BBOF1: variants seen among roughly 807,000 people sequenced by gnomAD.
BBOF1 encodes basal body-orientation factor 1.
A neutral mutation model predicts 68.0 loss-of-function variants in BBOF1; 62 were observed. The observed-to-expected ratio is 0.91, with a 90% confidence interval of 0.74 to 1.13. The LOEUF is 1.13. BBOF1 is among the 50% of genes most tolerant of loss of function. The pLI is 0.00. For missense variants in BBOF1, 534 were observed against 600.1 expected (o/e 0.89, Z 1.15); for synonymous variants, 208 against 198.8 (o/e 1.05, Z -0.39).
chr14:74,027,845 G>A (rs1037221521), intron 2 of BBOF1, among the ~76,000 whole-genome samples: 2 of 152,108 alleles, frequency 1.3e-5, no homozygotes, highest in Non-Finnish European at 2.9e-5. Context: ...CCAAGAAACT[G>A]TTCCAGATTA....
intron 9 of BBOF1, chr14:74,072,241 C>T (rs1382290653): frequency 6.2e-7 from 1 of 1,614,248 alleles, no homozygotes; most frequent in South Asian, 1.1e-5. Flanking sequence ...CGGAGCAAGA[C>T]CTGCTGGCGG....
chr14:74,037,857 A>G (rs1194994001), intron 4 of BBOF1, among the ~76,000 whole-genome samples: 1 of 151,704 alleles, frequency 6.6e-6, no homozygotes, highest in Admixed American at 6.6e-5. Context: ...CGGGAGGCTG[A>G]GGCAGGAGAA....
At chr14:74,023,169 G>A (rs756913678) in intron 2 of BBOF1, 25 bp downstream of exon 2, 1 of 1,407,444 alleles carries the variant, frequency 7.1e-7, no homozygotes, top group South Asian at 1.3e-5. Context: ...AGCCTCCTTG[G>A]CCTCATTAAC....
chr14:74,082,043 C>T (rs1034014027), intron 12 of BBOF1, among the ~76,000 whole-genome samples: 13 of 152,004 alleles, frequency 8.6e-5, no homozygotes, highest in African/African-American at 3.1e-4. Context: ...CCTGTCTCTA[C>T]AAAAAATACA....
intron 9 of BBOF1, among the ~76,000 whole-genome samples, chr14:74,077,297 G>A (rs1290886437): frequency 6.6e-6 from 1 of 152,120 alleles, no homozygotes; most frequent in Non-Finnish European, 1.5e-5. Context: ...TCCTCTGAAA[G>A]CAGCCAATAC....
At chr14:74,034,462 C>T (rs1207771934) in intron 4 of BBOF1, among the ~76,000 whole-genome samples, 1 of 152,216 alleles carries the variant, frequency 6.6e-6, no homozygotes, top group East Asian at 1.9e-4. Flanking sequence ...AAACAAACTA[C>T]AAGTTCTTAG....
At chr14:74,021,257 T>C (rs2059290308) in intron 1 of BBOF1, among the ~76,000 whole-genome samples, 1 of 152,100 alleles carries the variant, frequency 6.6e-6, no homozygotes, top group Non-Finnish European at 1.5e-5. Flanking sequence ...TCCTTTTTCC[T>C]CTCCACCTCT....
chr14:74,028,220 T>A (rs545173955), intron 2 of BBOF1, among the ~76,000 whole-genome samples: 4 of 151,672 alleles, frequency 2.6e-5, no homozygotes, highest in African/African-American at 2.4e-5. Context: ...ATACAAAAAA[T>A]TAGCCAAGTG....
At chr14:74,070,934 C>A, downstream of BBOF1, 1 of 479,348 alleles carries the variant, frequency 2.1e-6, no homozygotes, top group Non-Finnish European at 3.8e-6. Flanking sequence ...AAAAAAGTTT[C>A]TTTTTAATCT....
intron 5 of BBOF1, 93 bp from the exon 6 acceptor site, chr14:74,045,967 T>G (rs893255915): frequency 2.8e-5 from 32 of 1,162,638 alleles, no homozygotes; most frequent in Middle Eastern, 4.7e-4. Flanking sequence ...GGGACAGGAG[T>G]TTTTTATTTG....
intron 2 of BBOF1, among the ~76,000 whole-genome samples, chr14:74,028,948 CCACACACA>C (rs530371320): frequency 1.3e-5 from 2 of 148,356 alleles, no homozygotes; most frequent in African/African-American, 5.0e-5. Context: ...TTATTTTTAA[CCACACACA>C]CACACACACA....
At chr14:74,062,640 T>C (rs1014767390) in intron 11 of BBOF1, among the ~76,000 whole-genome samples, 1 of 152,036 alleles carries the variant, frequency 6.6e-6, no homozygotes, top group African/African-American at 2.4e-5. Flanking sequence ...GTGACTAATA[T>C]ACAAACTATA....
intron 3 of BBOF1, 81 bp from the exon 4 acceptor site, chr14:74,033,947 G>A: frequency 1.0e-6 from 1 of 999,476 alleles, no homozygotes; most frequent in Non-Finnish European, 1.4e-6. Context: ...ATATGCAAAT[G>A]GCGTAAGGCT....
At chr14:74,068,816 CAT>C, downstream of BBOF1, 4 of 1,609,358 alleles carry the variant, frequency 2.5e-6, no homozygotes, top group Non-Finnish European at 3.4e-6. Context: ...AGGTAATTTT[CAT>C]ATATAGAACA....
intron 5 of BBOF1, among the ~76,000 whole-genome samples, chr14:74,045,403 G>A (rs1418267902): frequency 1.3e-5 from 2 of 152,040 alleles, no homozygotes; most frequent in Admixed American, 6.6e-5. Context: ...TCTGCCTCCC[G>A]GGTTCAAGTG....
chr14:74,036,683 CAAAAA>C (rs35152747), intron 4 of BBOF1, among the ~76,000 whole-genome samples: 2 of 108,458 alleles, frequency 1.8e-5, no homozygotes, highest in Admixed American at 2.1e-4. Context: ...GACTCTGTCT[CAAAAA>C]AAAAAAAAAA....
chr14:74,040,665 A>T lies in BBOF1; in HGVS notation c.576+20A>T. On this transcript the variant is annotated intron_variant, in intron 5 of 11. Coordinates refer to ENST00000394009, the MANE Select transcript of BBOF1 (RefSeq NM_025057.3). Reference sequence around the variant, plus strand: ...GAAAAGGTACAGATTATTAGGGTTAATTTAAAATGTTTTGTTTACTAGAAC... The same window carrying T: ...GAAAAGGTACAGATTATTAGGGTTATTTTAAAATGTTTTGTTTACTAGAAC... 6.9e-7 allele frequency: 1 copy of T among 1,444,606 alleles called. No homozygotes were observed. Among genetic ancestry groups the T allele is most frequent in the East Asian group, 2.3e-5 (1 of 42,554 alleles). 89.5% of individuals were successfully genotyped at this position (1,444,606 alleles called of 1,614,324 possible).
intron 5 of BBOF1, among the ~76,000 whole-genome samples, chr14:74,041,944 G>A (rs1356278600): frequency 1.3e-5 from 2 of 152,110 alleles, no homozygotes; most frequent in Non-Finnish European, 2.9e-5. Context: ...GGCTGAGACG[G>A]GAGAATTGCT....
intron 6 of BBOF1, among the ~76,000 whole-genome samples, chr14:74,047,351 G>C (rs999531842): frequency 6.6e-6 from 1 of 152,010 alleles, no homozygotes; most frequent in Non-Finnish European, 1.5e-5. Context: ...AAAGAGCATG[G>C]GAGACTCATA....
Sources: gnomAD v4.1 joint callset for allele counts (sites outside exome capture counted in the v4.1 genomes callset) on GRCh38, gnomAD v4.1.1 for gene constraint, MANE v1.5 for transcripts, NCBI Gene and HGNC (gene_info 2026-07-23, HGNC 2026-07-21) for gene names.